The following CSMD1 variants were observed in gnomAD, a reference collection of about 807,000 sequenced individuals.
CSMD1 encodes the protein CUB and sushi domain-containing protein 1.
CSMD1 carries 213 observed loss-of-function variants against 417.5 expected under a neutral mutation model. The observed-to-expected ratio is 0.51, with a 90% CI of 0.46 to 0.57. CSMD1 has a LOEUF of 0.57. Among genes scored for constraint, CSMD1 ranks in the 20% least tolerant of loss-of-function variants. CSMD1 has a pLI of 0.00. For missense variants in CSMD1, 6,923 were observed against 4,529.7 expected (o/e 1.53, Z -15.17); for synonymous variants, 2,862 against 1,736.8 (o/e 1.65, Z -16.11).
chr8:3,929,558 G>A (rs1225354097), intron 5 of CSMD1, among the ~76,000 whole-genome samples: 1 of 150,610 alleles, frequency 6.6e-6, no homozygotes, highest in Non-Finnish European at 1.5e-5. Context: ...TGTCTATTCT[G>A]ATGGAATGAT....
intron 3 of CSMD1, among the ~76,000 whole-genome samples, chr8:4,395,897 A>G (rs7828854): frequency 0.048 from 7,339 of 152,146 alleles, 467 homozygotes; most frequent in African/African-American, 0.15. Context: ...AGAAACACAT[A>G]TAAGTGTAAT....
chr8:3,296,318 ATT>A, intron 25 of CSMD1, among the ~76,000 whole-genome samples: 1 of 151,926 alleles, frequency 6.6e-6, no homozygotes. Context: ...TACCGTCCGC[ATT>A]TGAGGACAGC....
chr8:3,865,589 C>T (rs1410944366), intron 5 of CSMD1, among the ~76,000 whole-genome samples: 1 of 152,150 alleles, frequency 6.6e-6, no homozygotes, highest in Non-Finnish European at 1.5e-5. Context: ...ATTCAGGTGC[C>T]TCTCATCAGC....
intron 12 of CSMD1, among the ~76,000 whole-genome samples, chr8:3,423,945 T>G (rs969262387): frequency 6.6e-6 from 1 of 152,214 alleles, no homozygotes; most frequent in African/African-American, 2.4e-5. Context: ...TTAACTATTT[T>G]TGGCTACTTA....
intron 3 of CSMD1, among the ~76,000 whole-genome samples, chr8:4,193,987 T>C (rs918685207): frequency 1.2e-4 from 18 of 152,088 alleles, no homozygotes; most frequent in African/African-American, 4.3e-4. Flanking sequence ...TGTTCTATGA[T>C]TACTATATAT....
chr8:3,885,983 A>T (rs1179036850), intron 5 of CSMD1, among the ~76,000 whole-genome samples: 1 of 152,080 alleles, frequency 6.6e-6, no homozygotes, highest in Admixed American at 6.6e-5. Flanking sequence ...TATTGATTCA[A>T]ATTATATATA....
intron 3 of CSMD1, among the ~76,000 whole-genome samples, chr8:4,277,788 C>T (rs1333580013): frequency 6.6e-6 from 1 of 152,104 alleles, no homozygotes; most frequent in Non-Finnish European, 1.5e-5. Flanking sequence ...CACTCTGTTG[C>T]CCAGGCTGGA....
chr8:3,770,006 C>CT (rs1257272334), intron 5 of CSMD1, among the ~76,000 whole-genome samples: 3 of 152,268 alleles, frequency 2.0e-5, no homozygotes, highest in South Asian at 2.1e-4. Flanking sequence ...CTTTTTCTTC[C>CT]TTTTTTTAGA....
intron 3 of CSMD1, among the ~76,000 whole-genome samples, chr8:4,046,691 A>T (rs1190366036): frequency 6.6e-6 from 1 of 152,218 alleles, no homozygotes; most frequent in Admixed American, 6.5e-5. Flanking sequence ...ATTTGATTTT[A>T]AAAGGATGTA....
chr8:4,036,029 G>A (rs184699279), intron 3 of CSMD1, among the ~76,000 whole-genome samples: 134 of 152,128 alleles, frequency 8.8e-4, no homozygotes, highest in South Asian at 1.9e-3. Context: ...TATGTTTAGA[G>A]ACACATATAC....
rs1208930261 is a variant in CSMD1, at chr8:4,146,593, C to CTTTTTTTTTTTTTTTTTTT, written c.416-114495_416-114494insAAAAAAAAAAAAAAAAAAA. 4.4e-4 allele frequency among the ~76,000 whole-genome samples: 40 copies of CTTTTTTTTTTTTTTTTTTT among 90,748 alleles called. 14 individuals carry two copies. The highest frequency in any genetic ancestry group is 6.2e-4 in the Non-Finnish European group (32 of 51,290). 59.5% of individuals were successfully genotyped at this position (90,748 alleles called of 152,430 possible). A position where few individuals can be genotyped will look rare whatever the true frequency, so the allele number is the denominator to read the frequency against. ...ATCTGTCTAAATGTTTATATGGACA[C>CTTTTTTTTTTTTTTTTTTT]ATTTTTTTTTTTTTTTTTTTTTTTT... On this transcript the variant is annotated intron_variant, in intron 3 of 69. Transcript: ENST00000635120.
chr8:4,970,269 G>C (rs905947239), intron 1 of CSMD1, among the ~76,000 whole-genome samples: 2 of 152,072 alleles, frequency 1.3e-5, no homozygotes, highest in African/African-American at 4.8e-5. Context: ...TCTTTGATCT[G>C]CCTGTAAGTG....
At chr8:3,508,331 G>C (rs992327364) in intron 10 of CSMD1, among the ~76,000 whole-genome samples, 1 of 151,074 alleles carries the variant, frequency 6.6e-6, no homozygotes, top group Non-Finnish European at 1.5e-5. Flanking sequence ...CACAGGAAGG[G>C]GAACATCACA....
Position 3,402,881 on chromosome 8 carries a change from A to T in CSMD1, c.2266+3146T>A, listed in dbSNP as rs143834707. On this transcript the variant is annotated intron_variant, in intron 15 of 69. Transcript: ENST00000635120. ...TATTAAATTTCTTTATTTTTTGATC[A>T]TTTTGTTCTACGTTAGAGGACTTAA... Among the ~76,000 whole-genome samples, 332 of 151,238 alleles carry T rather than the reference A, an allele frequency of 2.2e-3. 2 individuals are homozygous for T. Among genetic ancestry groups the T allele is most frequent in the African/African-American group, 7.7e-3 (320 of 41,308 alleles).
At chr8:3,788,529 A>C (rs995931203) in intron 5 of CSMD1, among the ~76,000 whole-genome samples, 1 of 152,192 alleles carries the variant, frequency 6.6e-6, no homozygotes, top group Non-Finnish European at 1.5e-5. Flanking sequence ...ATCTCACCTC[A>C]GATATTTATT....
At chr8:4,367,877 G>T (rs1595467) in intron 3 of CSMD1, among the ~76,000 whole-genome samples, 37,664 of 152,026 alleles carry the variant, frequency 0.25, 4,906 homozygotes, top group East Asian at 0.34. Context: ...GTATAGAAAT[G>T]CTACTAATTT....
intron 1 of CSMD1, among the ~76,000 whole-genome samples, chr8:4,654,460 G>A (rs1003066351): frequency 2.6e-5 from 4 of 152,056 alleles, no homozygotes; most frequent in Admixed American, 1.3e-4. Context: ...GGAACTTGGA[G>A]CATGAAGCCT....
At chr8:3,079,945 T>C (rs899983841) in intron 49 of CSMD1, among the ~76,000 whole-genome samples, 68 of 152,332 alleles carry the variant, frequency 4.5e-4, no homozygotes, top group African/African-American at 1.5e-3. Context: ...GGCCATGCTA[T>C]GTAGAAGCAG....
chr8:3,904,639 C>CTT (rs11395103), intron 5 of CSMD1, among the ~76,000 whole-genome samples: 1,808 of 133,102 alleles, frequency 0.014, 42 homozygotes, highest in African/African-American at 0.037. Flanking sequence ...CGTTTTCTTT[C>CTT]TTTTTTTTTT....
Sources: allele counts gnomAD v4.1 joint callset (sites outside exome capture counted in the v4.1 genomes callset), GRCh38; gene constraint gnomAD v4.1.1; transcripts MANE v1.5; gene names NCBI Gene and HGNC (gene_info 2026-07-23, HGNC 2026-07-21).